TCERG1L: variants seen among roughly 807,000 people sequenced by gnomAD.
The protein encoded by TCERG1L is transcription elongation regulator 1-like protein.
Under a neutral mutation model 56.3 loss-of-function variants are expected in TCERG1L, and 37 were observed. The ratio of observed to expected loss-of-function variants is 0.66; its 90% CI spans 0.51 to 0.87. The LOEUF (loss-of-function observed/expected upper bound fraction) is 0.87, where lower values mean the gene tolerates loss of function less well. Among genes scored for constraint, TCERG1L ranks in the 40% least tolerant of loss-of-function variants. The pLI is 0.00. For missense variants in TCERG1L, 799 were observed against 774.2 expected (o/e 1.03, Z -0.38); for synonymous variants, 324 against 326.3 (o/e 0.99, Z 0.08).
At chr10:131,230,147 T>C (rs923413686) in intron 4 of TCERG1L, among the ~76,000 whole-genome samples, 28 of 152,162 alleles carry the variant, frequency 1.8e-4, no homozygotes, top group African/African-American at 6.0e-4. Context: ...CCAGCAGGTG[T>C]CAGACCACCA....
chr10:131,128,799 T>A (rs1293760832), intron 8 of TCERG1L, among the ~76,000 whole-genome samples: 3 of 152,190 alleles, frequency 2.0e-5, no homozygotes, highest in Non-Finnish European at 4.4e-5. Flanking sequence ...ATAGATCATC[T>A]GCTTGCATCA....
chr10:131,248,085 A>G (rs529634070), intron 4 of TCERG1L, among the ~76,000 whole-genome samples: 8 of 151,936 alleles, frequency 5.3e-5, no homozygotes, highest in African/African-American at 1.7e-4. Flanking sequence ...ACTCATATGC[A>G]CACACACACA....
At chr10:131,109,625 T>C (rs1219363948) in intron 9 of TCERG1L, among the ~76,000 whole-genome samples, 1 of 152,166 alleles carries the variant, frequency 6.6e-6, no homozygotes, top group Admixed American at 6.5e-5. Context: ...CACATTCTCA[T>C]CTGATCGCTG....
At chr10:131,099,056 C>A (rs766128593) in intron 10 of TCERG1L, among the ~76,000 whole-genome samples, 2 of 152,212 alleles carry the variant, frequency 1.3e-5, no homozygotes, top group Non-Finnish European at 2.9e-5. Flanking sequence ...GGATGCCAGG[C>A]TGCCTGGGTC....
At chr10:131,215,124 C>T (rs1178133075) in intron 4 of TCERG1L, among the ~76,000 whole-genome samples, 1 of 152,196 alleles carries the variant, frequency 6.6e-6, no homozygotes, top group Non-Finnish European at 1.5e-5. Flanking sequence ...ACTTTCTACT[C>T]AATGCCACTT....
intron 1 of TCERG1L, among the ~76,000 whole-genome samples, chr10:131,310,469 C>T (rs1372477330): frequency 6.6e-6 from 1 of 152,200 alleles, no homozygotes; most frequent in Non-Finnish European, 1.5e-5. Flanking sequence ...TGTATTCTAA[C>T]ATAACACCCG....
intron 8 of TCERG1L, among the ~76,000 whole-genome samples, chr10:131,120,273 G>A (rs74160850): frequency 0.011 from 1,679 of 152,234 alleles, 19 homozygotes; most frequent in African/African-American, 0.037. Context: ...CACATTATCC[G>A]GTAAAATGCA....
At position 131,192,253 on chromosome 10, in the gene TCERG1L, G is replaced by C. The variant is rs1263983336; in HGVS notation, c.857-25368C>G. Among the ~76,000 whole-genome samples the C allele has an allele frequency of 2.8e-5, 4 of 143,804 alleles. 1 individual carries two copies. Among genetic ancestry groups the C allele is most frequent in the Non-Finnish European group, 6.1e-5 (4 of 65,232 alleles). 94.3% of individuals were successfully genotyped at this position (143,804 alleles called of 152,430 possible). A position where few individuals can be genotyped will look rare whatever the true frequency, so the allele number is the denominator to read the frequency against. On this transcript the variant is annotated intron_variant, in intron 4 of 11. Transcript: ENST00000368642. ...ATTTCTCAAAAGAAGATATACAAAT[G>C]GACAACAACCATGAAAAAATGCTTA...
intron 3 of TCERG1L, among the ~76,000 whole-genome samples, chr10:131,273,338 C>T (rs1025370009): frequency 3.3e-5 from 5 of 152,152 alleles, no homozygotes; most frequent in Non-Finnish European, 7.3e-5. Context: ...ATCCAGCTGG[C>T]CTCCTCCGTG....
chr10:131,180,549 A>G, intron 4 of TCERG1L, among the ~76,000 whole-genome samples: 1 of 152,210 alleles, frequency 6.6e-6, no homozygotes, highest in East Asian at 1.9e-4. Flanking sequence ...TTAGGCTACC[A>G]TCTACTGCTG....
chr10:131,279,775 G>A (rs550733897), intron 3 of TCERG1L, among the ~76,000 whole-genome samples: 7 of 152,260 alleles, frequency 4.6e-5, no homozygotes, highest in African/African-American at 1.4e-4. Flanking sequence ...AAACGCTTCC[G>A]GGCTTTGGTG....
intron 6 of TCERG1L, among the ~76,000 whole-genome samples, chr10:131,147,283 T>C (rs1251646239): frequency 2.0e-5 from 3 of 152,030 alleles, no homozygotes; most frequent in Admixed American, 2.0e-4. Flanking sequence ...TTAAGCCCCT[T>C]ATCTGTGAAA....
intron 4 of TCERG1L, among the ~76,000 whole-genome samples, chr10:131,225,184 C>A (rs936037194): frequency 1.3e-5 from 2 of 152,180 alleles, no homozygotes; most frequent in African/African-American, 4.8e-5. Context: ...ATTAGTTTAT[C>A]AGAGGAAAAC....
intron 6 of TCERG1L, among the ~76,000 whole-genome samples, chr10:131,150,712 G>A (rs929241692): frequency 2.2e-4 from 33 of 152,210 alleles, no homozygotes; most frequent in African/African-American, 6.5e-4. Flanking sequence ...TTTGGGCCCC[G>A]ATAGCACACG....
intron 4 of TCERG1L, among the ~76,000 whole-genome samples, chr10:131,256,988 G>GAAAGAAAGAAAGAAA (rs1324002284): frequency 1.4e-5 from 1 of 72,850 alleles, no homozygotes; most frequent in African/African-American, 5.1e-5. Flanking sequence ...AAGGAAGGAA[G>GAAAGAAAGAAAGAAA]GAAGGAAAGA....
intron 4 of TCERG1L, among the ~76,000 whole-genome samples, chr10:131,222,506 C>G (rs1845744983): frequency 6.6e-6 from 1 of 152,240 alleles, no homozygotes; most frequent in African/African-American, 2.4e-5. Flanking sequence ...GCAGCCGCCA[C>G]ACTGGTGTGA....
At chr10:131,199,514 A>G (rs1401001077) in intron 4 of TCERG1L, among the ~76,000 whole-genome samples, 4 of 152,106 alleles carry the variant, frequency 2.6e-5, no homozygotes, top group East Asian at 1.9e-4. Flanking sequence ...TAACAAGGGT[A>G]CCCTTCCCTC....
At chr10:131,124,753 G>C (rs773137346) in intron 8 of TCERG1L, among the ~76,000 whole-genome samples, 80 of 152,166 alleles carry the variant, frequency 5.3e-4, no homozygotes, top group Non-Finnish European at 1.1e-3. Context: ...GATCTGCATC[G>C]CAGGGGTGAC....
chr10:131,288,237 T>C (rs1180493722), intron 3 of TCERG1L, among the ~76,000 whole-genome samples: 1 of 152,174 alleles, frequency 6.6e-6, no homozygotes, highest in Admixed American at 6.5e-5. Context: ...TAAGGAAAAG[T>C]GCAGATTCAG....
Sources: gnomAD v4.1 joint callset for allele counts (sites outside exome capture counted in the v4.1 genomes callset) on GRCh38, gnomAD v4.1.1 for gene constraint, MANE v1.5 for transcripts, NCBI Gene and HGNC (gene_info 2026-07-23, HGNC 2026-07-21) for gene names.